The following PPARGC1A variants were observed in gnomAD, a reference collection of about 807,000 sequenced individuals.
PPARGC1A encodes the protein PPARG coactivator 1 alpha.
PPARGC1A carries 25 observed loss-of-function variants against 88.7 expected under a neutral mutation model. That is an observed-to-expected ratio of 0.28 (90% CI 0.21 to 0.39). The LOEUF (loss-of-function observed/expected upper bound fraction) is 0.39, where lower values mean the gene tolerates loss of function less well. Among genes scored for constraint, PPARGC1A ranks in the 10% least tolerant of loss-of-function variants. The pLI is 1.00. For synonymous variants in PPARGC1A, 363 were observed against 355.6 expected (o/e 1.02, Z -0.24); for missense variants, 880 against 968.7 (o/e 0.91, Z 1.22).
the PPARGC1A span, among the ~76,000 whole-genome samples, chr4:24,415,751 G>A: frequency 2.0e-5 from 3 of 152,136 alleles, no homozygotes; most frequent in Admixed American, 1.3e-4. Context: ...TCGTAATTTT[G>A]CTGTATACTG....
At chr4:23,953,978 T>G in the PPARGC1A span, among the ~76,000 whole-genome samples, 1 of 152,170 alleles carries the variant, frequency 6.6e-6, no homozygotes, top group African/African-American at 2.4e-5. Context: ...AAATTTCTTT[T>G]AAAATAAGGC....
At chr4:24,267,219 A>G in the PPARGC1A span, among the ~76,000 whole-genome samples, 1 of 152,198 alleles carries the variant, frequency 6.6e-6, no homozygotes, top group Non-Finnish European at 1.5e-5. Flanking sequence ...TAATATGCAA[A>G]TGCCCTCCAT....
At position 23,814,255 on chromosome 4, in the gene PPARGC1A, GT is replaced by G; in HGVS notation, c.1227del (p.Gln409HisfsTer2). 6.2e-7 allele frequency: 1 copy of G among 1,614,034 alleles called. No individual in the cohort carries two copies. The highest frequency in any genetic ancestry group is 8.5e-7 in the Non-Finnish European group (1 of 1,179,980). On this transcript the variant is annotated frameshift_variant, in exon 8 of 13. Coordinates refer to ENST00000264867, the MANE Select transcript of PPARGC1A (RefSeq NM_013261.5). LOFTEE classifies it high-confidence loss of function. ...NISQELQDSR[Q>X]LENKDVSSDW... is the part of the protein sequence containing the mutation. ...TCAGAGGAGACATCTTTATTTTCTA[GT>G]TGTCTAGAGTCTTGGAGCTCCTGTG... is the stretch of plus-strand genomic sequence containing the variant.
At chr4:24,409,542 A>T in the PPARGC1A span, among the ~76,000 whole-genome samples, 1 of 152,338 alleles carries the variant, frequency 6.6e-6, no homozygotes, top group African/African-American at 2.4e-5. Context: ...CTGTAATGAA[A>T]AAGAAATTAT....
At chr4:24,023,997 C>T in the PPARGC1A span, among the ~76,000 whole-genome samples, 1 of 152,146 alleles carries the variant, frequency 6.6e-6, no homozygotes, top group East Asian at 1.9e-4. Flanking sequence ...CCTGGGCTGT[C>T]CATACTGCAA....
At chr4:23,857,608 C>T (rs2148694401) in intron 2 of PPARGC1A, among the ~76,000 whole-genome samples, 1 of 151,816 alleles carries the variant, frequency 6.6e-6, no homozygotes, top group South Asian at 2.1e-4. Flanking sequence ...TATAACTCAT[C>T]CAGCTTTAAG....
chr4:24,452,926 C>A, the PPARGC1A span, among the ~76,000 whole-genome samples: 1 of 152,150 alleles, frequency 6.6e-6, no homozygotes, highest in African/African-American at 2.4e-5. Flanking sequence ...TCCTCCTACC[C>A]CCTAAGGAAA....
At chr4:24,073,283 C>T in the PPARGC1A span, among the ~76,000 whole-genome samples, 1 of 152,086 alleles carries the variant, frequency 6.6e-6, no homozygotes, top group African/African-American at 2.4e-5. Context: ...ACCTTGTGAT[C>T]TGCCCGCCTC....
chr4:24,052,854 ATTT>A, the PPARGC1A span, among the ~76,000 whole-genome samples: 202 of 65,766 alleles, frequency 3.1e-3, no homozygotes, highest in African/African-American at 0.013. Flanking sequence ...GCGTACGCAG[ATTT>A]TTTTTTTTTT....
the PPARGC1A span, among the ~76,000 whole-genome samples, chr4:24,471,018 G>A: frequency 1.3e-5 from 2 of 151,270 alleles, no homozygotes; most frequent in African/African-American, 4.8e-5. The surrounding 1 kb of genome is among the most constrained non-coding windows in gnomAD (Gnocchi z 5.4). Flanking sequence ...CCCCGGGCCC[G>A]GGAGGGAGCG....
intron 12 of PPARGC1A, among the ~76,000 whole-genome samples, chr4:23,801,171 A>C (rs1718638681): frequency 6.7e-6 from 1 of 149,638 alleles, no homozygotes; most frequent in South Asian, 2.1e-4. Flanking sequence ...GTAGGCCTGG[A>C]AGGCAAAATC....
chr4:24,308,135 T>C, the PPARGC1A span, among the ~76,000 whole-genome samples: 337 of 151,674 alleles, frequency 2.2e-3, 11 homozygotes, highest in South Asian at 0.067. Context: ...GTACTAAAAA[T>C]ACAAAAATTA....
chr4:23,831,763 G>GA lies in PPARGC1A; in HGVS notation c.235-13dup, dbSNP rs769340069. ...TCTTCATCTATCTTCTGCAGAAAGA[G>GA]AAAAAAACAGAAGATGTGAGTTGAC... On this transcript the variant is annotated splice_polypyrimidine_tract_variant and intron_variant, in intron 2 of 12. Coordinates refer to ENST00000264867, the MANE Select transcript of PPARGC1A (RefSeq NM_013261.5). 18 of 1,593,422 alleles carry GA rather than the reference G, an allele frequency of 1.1e-5. No individual in the cohort carries two copies. Among genetic ancestry groups the GA allele is most frequent in the East Asian group, 6.7e-5 (3 of 44,654 alleles).
In PPARGC1A at chr4:23,826,198, G is replaced by T. The variant is rs148713631; in HGVS notation, c.758-1690C>A. Among the ~76,000 whole-genome samples the T allele has an allele frequency of 9.2e-5, 14 of 152,224 alleles. No individual in the cohort carries two copies. The East Asian group carries it at 2.5e-3, about 27-fold the overall frequency. On this transcript the variant is annotated intron_variant, in intron 5 of 12. Transcript: ENST00000264867. ...GACCAAAGGCAAACAGGAAATGAGA[G>T]CCATAAGAAGGGGACAGTCCCCAAA... is the stretch of plus-strand genomic sequence containing the variant.
At chr4:24,416,118 C>T in the PPARGC1A span, among the ~76,000 whole-genome samples, 1 of 152,070 alleles carries the variant, frequency 6.6e-6, no homozygotes, top group South Asian at 2.1e-4. Flanking sequence ...GCAATTCAGG[C>T]CCAGGAAGTG....
the PPARGC1A span, among the ~76,000 whole-genome samples, chr4:24,448,055 G>A: frequency 5.2e-4 from 79 of 152,280 alleles, no homozygotes; most frequent in East Asian, 3.9e-4. Context: ...ACAAAGAACC[G>A]TGGACATCTG....
chr4:24,318,307 T>C, the PPARGC1A span, among the ~76,000 whole-genome samples: 1 of 152,158 alleles, frequency 6.6e-6, no homozygotes, highest in African/African-American at 2.4e-5. Flanking sequence ...AATGATGGAA[T>C]GTGAAATGAC....
At chr4:24,371,985 A>C in the PPARGC1A span, among the ~76,000 whole-genome samples, 1 of 152,022 alleles carries the variant, frequency 6.6e-6, no homozygotes, top group South Asian at 2.1e-4. Flanking sequence ...GTAGAATGAA[A>C]TAAGGTTGCC....
chr4:24,119,026 C>T, the PPARGC1A span, among the ~76,000 whole-genome samples: 1 of 152,172 alleles, frequency 6.6e-6, no homozygotes, highest in Non-Finnish European at 1.5e-5. Flanking sequence ...AAACGCATCA[C>T]CTTGTACAGT....
Sources: allele counts gnomAD v4.1 joint callset (sites outside exome capture counted in the v4.1 genomes callset), GRCh38; gene constraint gnomAD v4.1.1; non-coding constraint Gnocchi (gnomAD v3.1); transcripts MANE v1.5; gene names NCBI Gene and HGNC (gene_info 2026-07-23, HGNC 2026-07-21).